The following FBXO6 variants were observed in gnomAD, a reference collection of about 807,000 sequenced individuals.
The protein encoded by FBXO6 is F-box only protein 6.
A neutral mutation model predicts 25.0 loss-of-function variants in FBXO6; 13 were observed. The observed-to-expected ratio is 0.52, with a 90% CI of 0.34 to 0.83. The LOEUF (loss-of-function observed/expected upper bound fraction) is 0.83. FBXO6 is among the 40% of genes least tolerant of loss of function. The pLI, the probability that FBXO6 is intolerant of heterozygous loss-of-function variation, is 0.02. For synonymous variants in FBXO6, 138 were observed against 155.3 expected (o/e 0.89, Z 0.83); for missense variants, 370 against 380.2 (o/e 0.97, Z 0.22).
rs1055740796 is a variant in FBXO6 at position 11,674,105 on chromosome 1, C to A, written c.*254C>A. On this transcript the variant is annotated 3_prime_UTR_variant, in exon 6 of 6. Transcript: ENST00000376753. This position sits in a 1 kb window ranked among gnomAD's most constrained non-coding sequence, Gnocchi z 6.1. ...GGATCACGAGGTCAGGAGATAGAGA[C>A]CATCCTGGCCAACACGGTGAAACCC... The A allele has an allele frequency of 2.3e-5, 10 of 434,402 alleles. No homozygotes were observed. The highest frequency in any genetic ancestry group is 2.0e-4 in the African/African-American group (10 of 49,846). The allele number at this position is 434,402 out of a possible 1,614,324, so 26.9% of individuals were successfully genotyped here. A position where few individuals can be genotyped will look rare whatever the true frequency, so the allele number is the denominator to read the frequency against.
At position 11,668,920 on chromosome 1, in the gene FBXO6, C is replaced by A. The variant is rs778841010; in HGVS notation, c.262C>A (p.Leu88Ile). ...CTTCCTACGGAGCCTGCATAGGAAC[C>A]TCCTGCGCAACCCGTGTGCTGAAGG... ...FYFLRSLHRN[L>I]LRNPCAEEDM... is the part of the protein sequence containing the mutation. The change falls in exon 2 of 6, where the codon CTC becomes ATC. Residue 88 changes from leucine to isoleucine, a missense_variant. Transcript: ENST00000376753. 19 of 1,613,888 alleles carry A rather than the reference C, an allele frequency of 1.2e-5. No individual in the cohort carries two copies. In the Admixed American group the frequency reaches 1.3e-4, roughly 11 times the overall value.
intron 4 of FBXO6, among the ~76,000 whole-genome samples, chr1:11,672,959 G>T (rs537590304): frequency 2.0e-5 from 3 of 152,346 alleles, no homozygotes; most frequent in South Asian, 2.1e-4. Context: ...CTGGTCCATT[G>T]TAAGTACAGG....
intron 1 of FBXO6, among the ~76,000 whole-genome samples, chr1:11,665,247 C>T (rs570232455): frequency 3.8e-5 from 3 of 78,358 alleles, no homozygotes; most frequent in Non-Finnish European, 6.7e-5. Flanking sequence ...TTTTTTGAGA[C>T]GGAGTGTCGC....
chr1:11,672,875 C>T (rs747863), intron 4 of FBXO6, among the ~76,000 whole-genome samples: 22,677 of 152,126 alleles, frequency 0.15, 1,863 homozygotes, highest in South Asian at 0.22. Flanking sequence ...GGTGGCTGGG[C>T]TGAGCAGAGG....
At position 11,670,184 on chromosome 1, in the gene FBXO6, G is replaced by C. The variant is rs183252325; in HGVS notation, c.287-1082G>C. On this transcript the variant is annotated intron_variant, in intron 2 of 5. Coordinates refer to ENST00000376753, the MANE Select transcript of FBXO6 (RefSeq NM_018438.6). ...GCCAAGATTGCGCCACTGCACTCCAGCCTGGGCAACAGAGCAAGACTCCGT... is the reference window on the plus strand; with the variant it reads ...GCCAAGATTGCGCCACTGCACTCCACCCTGGGCAACAGAGCAAGACTCCGT... Among the ~76,000 whole-genome samples the C allele has an allele frequency of 1.8e-3, 268 of 150,052 alleles. 5 individuals carry two copies. The highest frequency in any genetic ancestry group is 0.017 in the Admixed American group (263 of 15,096).
intron 1 of FBXO6, among the ~76,000 whole-genome samples, chr1:11,664,956 G>A (rs1259403783): frequency 6.6e-6 from 1 of 152,228 alleles, no homozygotes; most frequent in African/African-American, 2.4e-5. Context: ...ACGGTGGGAA[G>A]CTATTGGTGC....
At position 11,665,030 on chromosome 1, in the gene FBXO6, A is replaced by G. The variant is rs1266470196; in HGVS notation, c.-4+775A>G. On this transcript the variant is annotated intron_variant, in intron 1 of 5. Coordinates refer to ENST00000376753, the MANE Select transcript of FBXO6 (RefSeq NM_018438.6). The stretch of plus-strand genomic sequence containing the variant: ...CGTCTAGAGTCTAGACAGTGCCTTT[A>G]GAAGCTGCCAGCATTTATTTATTTA... Among the ~76,000 whole-genome samples the G allele has an allele frequency of 2.8e-5, 4 of 141,578 alleles. No individual in the cohort carries two copies. In the South Asian group the frequency reaches 9.1e-4, roughly 32 times the overall value. The allele number at this position is 141,578 out of a possible 152,430, so 92.9% of individuals were successfully genotyped here. A position where few individuals can be genotyped will look rare whatever the true frequency, so the allele number is the denominator to read the frequency against.
In FBXO6 at chr1:11,668,599, T is replaced by TG. The variant is rs1458108908; in HGVS notation, c.-3-53dup. On this transcript the variant is annotated intron_variant, in intron 1 of 5. Coordinates refer to ENST00000376753, the MANE Select transcript of FBXO6 (RefSeq NM_018438.6). Reference sequence around the variant, plus strand: ...GAGAGGAGTCCCTGGCCTGGTTCCCTGGGGACCTGAGGGCCCACCTCCCTG... The same window carrying TG: ...GAGAGGAGTCCCTGGCCTGGTTCCCTGGGGGACCTGAGGGCCCACCTCCCTG... 3 of 1,579,928 alleles carry TG rather than the reference T, an allele frequency of 1.9e-6. No homozygotes were observed. The African/African-American group carries it at 4.0e-5, about 21-fold the overall frequency.
rs776937731 is a variant in FBXO6, at chr1:11,668,683, G to A, written c.25G>A (p.Ala9Thr). 6.2e-7 allele frequency: 1 copy of A among 1,613,744 alleles called. No homozygotes were observed. Among genetic ancestry groups the A allele is most frequent in the Non-Finnish European group, 8.5e-7 (1 of 1,179,770 alleles). Residue 9 changes from alanine (A) to threonine (T), a missense_variant, in exon 2 of 6, where the codon GCC becomes ACC. By Grantham distance (58) the Ala-to-Thr change is moderately conservative. Transcript: ENST00000376753. Reference protein sequence around the residue: MDAPHSKAALDSINELPEN... With the variant: MDAPHSKATLDSINELPEN... The stretch of plus-strand genomic sequence containing the variant: ...CATGGATGCTCCCCACTCCAAAGCA[G>A]CCCTGGACAGCATTAACGAGCTGCC...
chr1:11,666,580 C>T (rs569317150), intron 1 of FBXO6, among the ~76,000 whole-genome samples: 1 of 152,096 alleles, frequency 6.6e-6, no homozygotes, highest in African/African-American at 2.4e-5. Flanking sequence ...GATGGGGTTT[C>T]ACTGTGTTGG....
chr1:11,668,622 C>T (rs759496313), intron 1 of FBXO6, 34 bp from the exon 2 acceptor site: 14 of 1,596,618 alleles, frequency 8.8e-6, no homozygotes, highest in Non-Finnish European at 1.2e-5. Flanking sequence ...GCCCACCTCC[C>T]TGGTCAGGCT....
intron 1 of FBXO6, among the ~76,000 whole-genome samples, chr1:11,668,404 T>G (rs111456567): frequency 1.1e-4 from 15 of 132,906 alleles, no homozygotes; most frequent in Non-Finnish European, 2.1e-4. Context: ...TTTGTGGGTT[T>G]TTTTTTTTTT....
At chr1:11,667,069 C>T (rs1640458716) in intron 1 of FBXO6, among the ~76,000 whole-genome samples, 2 of 151,784 alleles carry the variant, frequency 1.3e-5, no homozygotes, top group African/African-American at 4.8e-5. Flanking sequence ...ATTGCTTGAA[C>T]CCAGGAGGTG....
intron 1 of FBXO6, among the ~76,000 whole-genome samples, chr1:11,667,875 G>A (rs1004804609): frequency 1.4e-4 from 21 of 152,196 alleles, no homozygotes; most frequent in African/African-American, 5.1e-4. Context: ...GGCGGATCAT[G>A]GGGTCAGGAG....
At chr1:11,666,030 C>CTT (rs1640425206) in intron 1 of FBXO6, among the ~76,000 whole-genome samples, 1 of 122,508 alleles carries the variant, frequency 8.2e-6, no homozygotes, top group African/African-American at 3.2e-5. Flanking sequence ...AAGCATTTTT[C>CTT]TTTTCTCTTT....
At chr1:11,665,410 C>G (rs1422490498) in intron 1 of FBXO6, among the ~76,000 whole-genome samples, 3 of 150,708 alleles carry the variant, frequency 2.0e-5, no homozygotes, top group Non-Finnish European at 4.4e-5. Context: ...CACCTGCAAC[C>G]AAGCCCGGCT....
rs184016846 is a variant in FBXO6 at position 11,670,129 on chromosome 1, C to T, written c.287-1137C>T. On this transcript the variant is annotated intron_variant, in intron 2 of 5. Transcript: ENST00000376753. ...TTGGGAGGCTGAGGCAGGAGAATAG[C>T]GTGAACCTGGGAGGCGGAGCTTGCA... Among the ~76,000 whole-genome samples, 60 of 150,716 alleles carry T rather than the reference C, an allele frequency of 4.0e-4. No homozygotes were observed. The South Asian group carries it at 5.9e-3, about 15-fold the overall frequency.
intron 2 of FBXO6, among the ~76,000 whole-genome samples, chr1:11,669,995 G>A (rs982559565): frequency 1.4e-5 from 2 of 146,450 alleles, no homozygotes; most frequent in African/African-American, 2.5e-5. Flanking sequence ...GGCGGATGAC[G>A]AGGTCAGGAG....
intron 2 of FBXO6, among the ~76,000 whole-genome samples, chr1:11,670,417 C>T (rs1302952695): frequency 6.6e-6 from 1 of 151,950 alleles, no homozygotes; most frequent in African/African-American, 2.4e-5. Flanking sequence ...GCACTCTTGC[C>T]CTGGGCAGAG....
Sources: allele counts gnomAD v4.1 joint callset (sites outside exome capture counted in the v4.1 genomes callset), GRCh38; gene constraint gnomAD v4.1.1; non-coding constraint Gnocchi (gnomAD v3.1); transcripts MANE v1.5; gene names NCBI Gene and HGNC (gene_info 2026-07-23, HGNC 2026-07-21).